Variants in PIK3C3 observed in about 807,000 individuals in gnomAD.
PIK3C3 encodes phosphatidylinositol 3-kinase catalytic subunit type 3.
A neutral mutation model predicts 126.1 loss-of-function variants in PIK3C3; 95 were observed. The ratio of observed to expected loss-of-function variants is 0.75; its 90% CI spans 0.64 to 0.89. PIK3C3 has a LOEUF of 0.89. Among genes scored for constraint, PIK3C3 ranks in the 40% least tolerant of loss-of-function variants. PIK3C3 has a pLI of 0.00. For missense variants in PIK3C3, 829 were observed against 1,063.2 expected, an observed-to-expected ratio of 0.78 and a Z score of 3.06; for synonymous variants, 374 against 360.0, an observed-to-expected ratio of 1.04 and a Z score of -0.44.
intron 2 of PIK3C3, among the ~76,000 whole-genome samples, chr18:41,958,751 A>G (rs111900293): frequency 8.9e-4 from 135 of 152,166 alleles, no homozygotes; most frequent in African/African-American, 3.2e-3. Context: ...GTATGTAGAT[A>G]TACACACACA....
Position 42,064,786 on chromosome 18 carries a change from A to G in PIK3C3, c.2479A>G (p.Asn827Asp), listed in dbSNP as rs1229879148. ...CTTGTTTTCCTTGATGGTTGATGCA[A>G]ACATTCCAGATATTGCACTTGAACC... is the stretch of plus-strand genomic sequence containing the variant. ...LNLFSLMVDA[N>D]IPDIALEPDK... Residue 827 changes from asparagine to aspartate, a missense_variant, in exon 23 of 25, where the codon AAC becomes GAC. Asn to Asp is a conservative substitution (Grantham distance 23). Coordinates refer to ENST00000262039, the MANE Select transcript of PIK3C3 (RefSeq NM_002647.4). 5.0e-6 allele frequency: 8 copies of G among 1,606,728 alleles called. No individual in the cohort carries two copies. Among genetic ancestry groups the G allele is most frequent in the Non-Finnish European group, 6.8e-6 (8 of 1,173,598 alleles).
intron 21 of PIK3C3, among the ~76,000 whole-genome samples, chr18:42,053,923 G>A (rs904830674): frequency 6.6e-6 from 1 of 151,312 alleles, no homozygotes; most frequent in Non-Finnish European, 1.5e-5. Flanking sequence ...CCTAAGGATG[G>A]CCCTCCTGAT....
At chr18:41,987,998 A>T (rs111942916) in intron 5 of PIK3C3, 100 bp downstream of exon 5, 1 of 693,582 alleles carries the variant, frequency 1.4e-6, no homozygotes. Flanking sequence ...CAAATATAGG[A>T]TTATCAGGGT....
chr18:42,034,721 A>C (rs1281341834), intron 16 of PIK3C3, among the ~76,000 whole-genome samples: 4 of 152,216 alleles, frequency 2.6e-5, no homozygotes, highest in Admixed American at 6.6e-5. Flanking sequence ...CATCATACTG[A>C]AAGATCTTTG....
At chr18:42,004,107 C>G (rs1005977613) in intron 9 of PIK3C3, among the ~76,000 whole-genome samples, 2 of 152,090 alleles carry the variant, frequency 1.3e-5, no homozygotes, top group Non-Finnish European at 2.9e-5. Context: ...AAAGCCAAAA[C>G]AAATTAAAAA....
At chr18:42,046,711 A>G (rs1052594451) in intron 20 of PIK3C3, among the ~76,000 whole-genome samples, 2 of 152,102 alleles carry the variant, frequency 1.3e-5, no homozygotes, top group Non-Finnish European at 2.9e-5. Flanking sequence ...TATCTCCTCA[A>G]CGTTTCTGAG....
Position 42,011,621 on chromosome 18 carries a change from T to C in PIK3C3, c.1171-1821T>C, listed in dbSNP as rs74433101. 3.2e-3 allele frequency among the ~76,000 whole-genome samples: 491 copies of C among 152,286 alleles called. 1 individual carries two copies. The highest frequency in any genetic ancestry group is 0.011 in the African/African-American group (463 of 41,564). On this transcript the variant is annotated intron_variant, in intron 10 of 24. Transcript: ENST00000262039. ...TAAGGGTGTTTACCTTTCTTTTCAT[T>C]TGTGGTTCCCTGGAATGGCATTTTT...
rs993747365 is a variant in PIK3C3 at position 41,956,515 on chromosome 18, T to C, written c.69-1055T>C. Among the ~76,000 whole-genome samples, 4 of 149,810 alleles carry C rather than the reference T, an allele frequency of 2.7e-5. No homozygotes were observed. The South Asian group carries it at 8.4e-4, about 31-fold the overall frequency. On this transcript the variant is annotated intron_variant, in intron 1 of 24. Transcript: ENST00000262039. ...TGCATTTTTTGAAATGTTTGAACAT[T>C]AAAAATAAAGAAAAAGCCAAAAAAA... is the stretch of plus-strand genomic sequence containing the variant.
At chr18:42,051,066 A>G (rs1430437025) in intron 21 of PIK3C3, 3 of 152,348 alleles carry the variant, frequency 2.0e-5, no homozygotes, top group South Asian at 2.1e-4. Flanking sequence ...TAATTCAACA[A>G]CTATTTATTG....
intron 24 of PIK3C3, among the ~76,000 whole-genome samples, chr18:42,080,155 C>T (rs888265458): frequency 2.6e-5 from 4 of 151,916 alleles, no homozygotes; most frequent in Admixed American, 6.6e-5. Context: ...ATATGAGTGC[C>T]GAGTACCATT....
In PIK3C3 at chr18:42,049,574, G is replaced by C. The variant is rs761657831; in HGVS notation, c.2232G>C (p.Arg744Ser). The part of the protein sequence containing the change: ...VITYILGVGD[R>S]HLDNLLLTKT... ...CCTATATACTTGGAGTTGGAGACAGGCACCTGGATAACCTTTTGCTAACAA... is the reference window on the plus strand; with the variant it reads ...CCTATATACTTGGAGTTGGAGACAGCCACCTGGATAACCTTTTGCTAACAA... The change falls in exon 21 of 25, where the codon AGG (arginine) becomes AGC (serine). Residue 744 changes from arginine (R) to serine (S), a missense_variant. Around this residue, in one of 4 missense-constraint regions of PIK3C3, gnomAD observed 196 missense variants for 312.8 expected, o/e 0.63. Transcript: ENST00000262039. The C allele has an allele frequency of 6.2e-7, 1 of 1,613,522 alleles. No homozygotes were observed. Among genetic ancestry groups the C allele is most frequent in the Non-Finnish European group, 8.5e-7 (1 of 1,179,610 alleles).
At chr18:41,973,140 T>C (rs1330615566) in intron 4 of PIK3C3, among the ~76,000 whole-genome samples, 1 of 151,374 alleles carries the variant, frequency 6.6e-6, no homozygotes, top group Non-Finnish European at 1.5e-5. Flanking sequence ...TTCATAGTTA[T>C]TATCTTACTA....
chr18:42,034,658 C>T lies in PIK3C3; in HGVS notation c.1839+701C>T, dbSNP rs546513470. Reference sequence around the variant, plus strand: ...CAGGTAGAAACAGCTGATGCAGCAGCCTTCTCTAATCATGCTCAAAGGACC... The same window carrying T: ...CAGGTAGAAACAGCTGATGCAGCAGTCTTCTCTAATCATGCTCAAAGGACC... On this transcript the variant is annotated intron_variant, in intron 16 of 24. Coordinates refer to ENST00000262039, the MANE Select transcript of PIK3C3 (RefSeq NM_002647.4). 2.0e-5 allele frequency among the ~76,000 whole-genome samples: 3 copies of T among 152,290 alleles called. No homozygotes were observed. The South Asian group carries it at 6.2e-4, about 32-fold the overall frequency.
intron 10 of PIK3C3, among the ~76,000 whole-genome samples, chr18:42,012,380 A>C (rs1241807190): frequency 6.6e-6 from 1 of 152,210 alleles, no homozygotes; most frequent in Non-Finnish European, 1.5e-5. Flanking sequence ...AAATATTTAC[A>C]GGAGACTTAA....
At chr18:41,958,446 G>T (rs1189570338) in intron 2 of PIK3C3, among the ~76,000 whole-genome samples, 1 of 152,170 alleles carries the variant, frequency 6.6e-6, no homozygotes, top group Non-Finnish European at 1.5e-5. Context: ...TAAGGAAGGA[G>T]TGTTCATGGA....
At chr18:42,026,879 TTTACTC>T (rs984609476) in intron 13 of PIK3C3, 2 of 152,252 alleles carry the variant, frequency 1.3e-5, no homozygotes, top group African/African-American at 4.8e-5. Flanking sequence ...TAAAATGTCT[TTTACTC>T]TTTAAAACCA....
Position 42,083,266 on chromosome 18 carries a change from A to G in PIK3C3, c.*2129A>G, listed in dbSNP as rs530693563. On this transcript the variant is annotated 3_prime_UTR_variant, in exon 25 of 25. Coordinates refer to ENST00000262039, the MANE Select transcript of PIK3C3 (RefSeq NM_002647.4). ...CAGAGTGTAGTCTGCATATTTCTTT[A>G]TTATCATTGCCATGTGACTTCTTTG... 7 of 152,180 alleles carry G rather than the reference A, an allele frequency of 4.6e-5. No individual in the cohort carries two copies. In the East Asian group the frequency reaches 1.4e-3, roughly 29 times the overall value. 9.4% of individuals were successfully genotyped at this position (152,180 alleles called of 1,614,324 possible). A position where few individuals can be genotyped will look rare whatever the true frequency, so the allele number is the denominator to read the frequency against.
At chr18:41,976,649 T>C (rs1162671108) in intron 4 of PIK3C3, among the ~76,000 whole-genome samples, 1 of 152,190 alleles carries the variant, frequency 6.6e-6, no homozygotes, top group Non-Finnish European at 1.5e-5. Flanking sequence ...GTTATATCTG[T>C]TTTTGGAGAT....
At chr18:41,964,680 T>A (rs1392308376) in intron 3 of PIK3C3, among the ~76,000 whole-genome samples, 1 of 152,140 alleles carries the variant, frequency 6.6e-6, no homozygotes, top group East Asian at 1.9e-4. Context: ...TCCAGGTTTG[T>A]TTTGGCAGAT....
Sources: gnomAD v4.1 joint callset for allele counts (sites outside exome capture counted in the v4.1 genomes callset) on GRCh38, gnomAD v4.1.1 for gene constraint, gnomAD v4.1.1 regional missense constraint, MANE v1.5 for transcripts, NCBI Gene and HGNC (gene_info 2026-07-23, HGNC 2026-07-21) for gene names.